The following ZRANB1 variants were observed in gnomAD, a reference collection of about 807,000 sequenced individuals.
ZRANB1 encodes ubiquitin thioesterase ZRANB1.
ZRANB1 carries 16 observed loss-of-function variants against 80.5 expected under a neutral mutation model. The observed-to-expected ratio is 0.20, with a 90% CI of 0.13 to 0.30. ZRANB1 has a LOEUF of 0.30. Among genes scored for constraint, ZRANB1 ranks in the 10% least tolerant of loss-of-function variants. The pLI, the probability that ZRANB1 is intolerant of heterozygous loss-of-function variation, is 1.00. For synonymous variants in ZRANB1, 291 were observed against 293.1 expected (o/e 0.99, Z 0.07); for missense variants, 576 against 862.6 (o/e 0.67, Z 4.16).
Position 124,986,689 on chromosome 10 carries a change from C to G in ZRANB1, c.*1697C>G, listed in dbSNP as rs1321741397. On this transcript the variant is annotated 3_prime_UTR_variant, in exon 9 of 9. Coordinates refer to ENST00000359653, the MANE Select transcript of ZRANB1 (RefSeq NM_017580.3). Reference sequence around the variant, plus strand: ...GCTTTCATTTTGGCCAATAAGTAATCAAGTTTGTAGAAAATGTTAGCATTC... The same window carrying G: ...GCTTTCATTTTGGCCAATAAGTAATGAAGTTTGTAGAAAATGTTAGCATTC... 2.6e-5 allele frequency: 4 copies of G among 152,144 alleles called. No homozygotes were observed. The highest frequency in any genetic ancestry group is 9.7e-5 in the African/African-American group (4 of 41,430). The allele number at this position is 152,144 out of a possible 1,614,324, so 9.4% of individuals were successfully genotyped here.
chr10:124,977,425 G>GATGGTTGCAAGTC (rs1381958884), intron 5 of ZRANB1, among the ~76,000 whole-genome samples: 1 of 151,958 alleles, frequency 6.6e-6, no homozygotes, highest in Non-Finnish European at 1.5e-5. Context: ...GGAATTCTCA[G>GATGGTTGCAAGTC]ATGGTTGCAA....
At chr10:124,966,497 A>C in intron 1 of ZRANB1, 97 bp from the exon 2 acceptor site, 2 of 1,221,132 alleles carry the variant, frequency 1.6e-6, no homozygotes, top group Non-Finnish European at 2.3e-6. Context: ...CAGGAAGCAC[A>C]GAGAAACACT....
upstream of ZRANB1, among the ~76,000 whole-genome samples, chr10:124,939,595 C>T (rs1951517333): frequency 6.6e-6 from 1 of 152,136 alleles, no homozygotes; most frequent in African/African-American, 2.4e-5. Flanking sequence ...GTTGCACCTA[C>T]AAACATAGTA....
At chr10:124,923,912 G>T in the ZRANB1 span, among the ~76,000 whole-genome samples, 2 of 151,452 alleles carry the variant, frequency 1.3e-5, no homozygotes. Context: ...CCATATAACT[G>T]GGCAAAGTAG....
At chr10:124,923,597 A>C in the ZRANB1 span, among the ~76,000 whole-genome samples, 1 of 151,968 alleles carries the variant, frequency 6.6e-6, no homozygotes, top group Non-Finnish European at 1.5e-5. Flanking sequence ...GAACTACCTG[A>C]GATTGGTAAT....
the ZRANB1 span, among the ~76,000 whole-genome samples, chr10:124,924,297 T>TA: frequency 9.3e-3 from 1,271 of 137,024 alleles, 10 homozygotes; most frequent in African/African-American, 0.024. Context: ...CAGTTTTTTC[T>TA]AAAAAAAAAA....
chr10:124,956,201 A>G (rs76509618), intron 1 of ZRANB1, among the ~76,000 whole-genome samples: 2,779 of 152,352 alleles, frequency 0.018, 29 homozygotes, highest in Non-Finnish European at 0.03. Context: ...AAAAGAAAGT[A>G]CTATATTAAA....
intron 1 of ZRANB1, among the ~76,000 whole-genome samples, chr10:124,963,681 C>T (rs996157349): frequency 6.6e-6 from 1 of 150,466 alleles, no homozygotes; most frequent in Non-Finnish European, 1.5e-5. Flanking sequence ...CCTGTTGAAC[C>T]AACCACGTCT....
intron 1 of ZRANB1, among the ~76,000 whole-genome samples, chr10:124,944,452 C>T (rs577678818): frequency 6.7e-6 from 1 of 149,630 alleles, no homozygotes; most frequent in East Asian, 2.0e-4. Flanking sequence ...TCCAAGAAAT[C>T]GTGAGTTTTA....
chr10:124,922,770 C>T, the ZRANB1 span, among the ~76,000 whole-genome samples: 7 of 151,924 alleles, frequency 4.6e-5, no homozygotes, highest in African/African-American at 1.5e-4. Context: ...GGATTACAGG[C>T]GTGAGCCACT....
chr10:124,919,940 C>T, the ZRANB1 span, among the ~76,000 whole-genome samples: 1 of 88,488 alleles, frequency 1.1e-5, no homozygotes, highest in Non-Finnish European at 2.0e-5. Flanking sequence ...TTTTTGAGAC[C>T]TTGTCTCATC....
At chr10:124,959,476 C>G (rs79519809) in intron 1 of ZRANB1, among the ~76,000 whole-genome samples, 4,032 of 151,024 alleles carry the variant, frequency 0.027, 165 homozygotes, top group African/African-American at 0.092. Flanking sequence ...TTTTTTTTCC[C>G]CCTGAGATGA....
At chr10:124,968,690 G>A (rs1054617051) in intron 2 of ZRANB1, among the ~76,000 whole-genome samples, 23 of 152,160 alleles carry the variant, frequency 1.5e-4, no homozygotes, top group African/African-American at 5.5e-4. Context: ...CAGGAGCCAG[G>A]ATAAAGAAGG....
chr10:124,922,076 G>T, the ZRANB1 span, among the ~76,000 whole-genome samples: 5 of 151,410 alleles, frequency 3.3e-5, no homozygotes, highest in East Asian at 9.6e-4. Context: ...CAAGTAGCTG[G>T]AACTATAGGT....
rs912817243 is a variant in ZRANB1, at chr10:124,987,588, A to T, written c.*2596A>T. ...TGAGTGGTTACGAAGACGTTAAACTACCTTTTTGTTCCCTGGGGTAATAGG... is the reference window on the plus strand; with the variant it reads ...TGAGTGGTTACGAAGACGTTAAACTTCCTTTTTGTTCCCTGGGGTAATAGG... On this transcript the variant is annotated 3_prime_UTR_variant, in exon 9 of 9. Transcript: ENST00000359653. The T allele has an allele frequency of 4.6e-5, 7 of 152,048 alleles. No homozygotes were observed. Among genetic ancestry groups the T allele is most frequent in the African/African-American group, 1.7e-4 (7 of 41,396 alleles). 9.4% of individuals were successfully genotyped at this position (152,048 alleles called of 1,614,324 possible). A position where few individuals can be genotyped will look rare whatever the true frequency, so the allele number is the denominator to read the frequency against.
At chr10:124,941,696 T>C (rs952481194), upstream of ZRANB1, among the ~76,000 whole-genome samples, 1 of 152,182 alleles carries the variant, frequency 6.6e-6, no homozygotes, top group African/African-American at 2.4e-5. Context: ...ATTTAAAATA[T>C]TTTAATTATG....
chr10:124,956,677 G>A (rs1156756653), intron 1 of ZRANB1, among the ~76,000 whole-genome samples: 1 of 152,102 alleles, frequency 6.6e-6, no homozygotes, highest in Non-Finnish European at 1.5e-5. Context: ...TCACCATGTT[G>A]GCTAGGCTGG....
intron 1 of ZRANB1, among the ~76,000 whole-genome samples, chr10:124,952,176 C>T (rs532353416): frequency 1.3e-5 from 2 of 152,192 alleles, no homozygotes; most frequent in East Asian, 3.9e-4. Context: ...GCGTCCCAGT[C>T]CCCAGGATTT....
Position 124,983,090 on chromosome 10 carries a change from T to C in ZRANB1, c.1549-85T>C. 1 of 1,409,652 alleles carries C rather than the reference T, an allele frequency of 7.1e-7. No individual in the cohort carries two copies. The highest frequency in any genetic ancestry group is 9.5e-7 in the Non-Finnish European group (1 of 1,047,570). 87.3% of individuals were successfully genotyped at this position (1,409,652 alleles called of 1,614,324 possible). On this transcript the variant is annotated intron_variant, in intron 6 of 8. Coordinates refer to ENST00000359653, the MANE Select transcript of ZRANB1 (RefSeq NM_017580.3). The surrounding 1 kb of genome is among the most constrained non-coding windows in gnomAD (Gnocchi z 6.2). ...TTAAAAACCAACTGCGATAGTATAC[T>C]GAAGGGGAGGTAGTATTGTTTTTTA...
Sources: allele counts gnomAD v4.1 joint callset (sites outside exome capture counted in the v4.1 genomes callset), GRCh38; gene constraint gnomAD v4.1.1; non-coding constraint Gnocchi (gnomAD v3.1); transcripts MANE v1.5; gene names NCBI Gene and HGNC (gene_info 2026-07-23, HGNC 2026-07-21).